The following CDH13 variants were observed in gnomAD, a reference collection of about 807,000 sequenced individuals.
The protein encoded by CDH13 is cadherin-13.
In CDH13, 24 loss-of-function variants were observed where a neutral mutation model predicts 63.8. The ratio of observed to expected loss-of-function variants is 0.38; its 90% CI spans 0.27 to 0.53. CDH13 has a LOEUF of 0.53. Ranked by LOEUF, CDH13 falls within the 20% of genes least tolerant of loss-of-function variation. CDH13 has a pLI of 0.85. For missense variants in CDH13, 1,049 were observed against 903.1 expected (o/e 1.16, Z -2.07); for synonymous variants, 503 against 355.3 (o/e 1.42, Z -4.67).
At chr16:82,910,704 T>C (rs2041803720) in intron 2 of CDH13, among the ~76,000 whole-genome samples, 1 of 152,194 alleles carries the variant, frequency 6.6e-6, no homozygotes, top group Admixed American at 6.5e-5. Flanking sequence ...GGTGGCCATG[T>C]GACATTGTTA....
chr16:83,031,402 A>G (rs12596336), intron 2 of CDH13, among the ~76,000 whole-genome samples: 30,435 of 140,828 alleles, frequency 0.22, 4,608 homozygotes, highest in East Asian at 0.29. Context: ...ATACATATAC[A>G]TGTATATGTA....
At chr16:82,968,358 T>C (rs1908173211) in intron 2 of CDH13, among the ~76,000 whole-genome samples, 1 of 152,200 alleles carries the variant, frequency 6.6e-6, no homozygotes, top group African/African-American at 2.4e-5. Context: ...CAAGAAGGCC[T>C]CAGACCTAGT....
intron 10 of CDH13, among the ~76,000 whole-genome samples, chr16:83,747,605 G>A (rs1424515585): frequency 6.6e-6 from 1 of 151,220 alleles, no homozygotes; most frequent in Non-Finnish European, 1.5e-5. Context: ...ACTCTCTGAT[G>A]ACATCCTATC....
At chr16:83,319,564 A>G (rs1030457097) in intron 5 of CDH13, among the ~76,000 whole-genome samples, 1 of 152,258 alleles carries the variant, frequency 6.6e-6, no homozygotes, top group African/African-American at 2.4e-5. Context: ...GGAGAGAAAA[A>G]TATGAAATAT....
intron 7 of CDH13, among the ~76,000 whole-genome samples, chr16:83,555,103 A>C (rs932293658): frequency 6.6e-6 from 1 of 152,144 alleles, no homozygotes; most frequent in African/African-American, 2.4e-5. Context: ...CATGTTGTAT[A>C]CAGAGAGAGC....
intron 1 of CDH13, among the ~76,000 whole-genome samples, chr16:82,800,176 G>T (rs1316025661): frequency 6.6e-6 from 1 of 152,018 alleles, no homozygotes; most frequent in Non-Finnish European, 1.5e-5. Flanking sequence ...GTGTTTACTT[G>T]GGGTTAAAAT....
At chr16:82,653,191 T>C (rs1009230420) in intron 1 of CDH13, among the ~76,000 whole-genome samples, 3 of 152,104 alleles carry the variant, frequency 2.0e-5, no homozygotes, top group Admixed American at 2.0e-4. Flanking sequence ...GACATGGTGG[T>C]GGTAGGGGGT....
intron 7 of CDH13, among the ~76,000 whole-genome samples, chr16:83,557,402 T>C (rs2075625842): frequency 6.6e-6 from 1 of 152,168 alleles, no homozygotes; most frequent in Non-Finnish European, 1.5e-5. Context: ...CTCTGGTCCG[T>C]GGAAAAATTG....
intron 6 of CDH13, among the ~76,000 whole-genome samples, chr16:83,430,103 T>C (rs184698391): frequency 1.4e-4 from 21 of 152,312 alleles, no homozygotes; most frequent in African/African-American, 4.3e-4. Context: ...TACCATGTGA[T>C]CCAGCAGTTT....
chr16:83,133,619 C>T (rs953653758), intron 4 of CDH13, among the ~76,000 whole-genome samples: 4 of 152,096 alleles, frequency 2.6e-5, no homozygotes, highest in African/African-American at 9.7e-5. Flanking sequence ...ATGCCTCAGC[C>T]TCCCTAATAG....
At chr16:82,951,841 A>G (rs1905339707) in intron 2 of CDH13, among the ~76,000 whole-genome samples, 2 of 152,198 alleles carry the variant, frequency 1.3e-5, no homozygotes, top group Non-Finnish European at 1.5e-5. Flanking sequence ...GAGGCTCAGT[A>G]TATCTTCCTA....
chr16:83,566,005 C>T (rs1278083946), intron 7 of CDH13, among the ~76,000 whole-genome samples: 1 of 152,126 alleles, frequency 6.6e-6, no homozygotes, highest in Non-Finnish European at 1.5e-5. Context: ...AAGACTGGGA[C>T]TCATTTGAGT....
Position 82,870,486 on chromosome 16 carries a change from C to A in CDH13, c.157+12013C>A, listed in dbSNP as rs539933034. 8.5e-5 allele frequency among the ~76,000 whole-genome samples: 13 copies of A among 152,132 alleles called. No individual in the cohort carries two copies. The East Asian group carries it at 1.5e-3, about 18-fold the overall frequency. On this transcript the variant is annotated intron_variant, in intron 2 of 13. Transcript: ENST00000567109. ...CTGGATATATATCTAAAAGAAAGGG[C>A]TGGAAGGGTCCTGGGGAGGGAGAAT...
At chr16:82,730,463 TACA>T (rs1437087934) in intron 1 of CDH13, among the ~76,000 whole-genome samples, 1 of 152,198 alleles carries the variant, frequency 6.6e-6, no homozygotes, top group Non-Finnish European at 1.5e-5. Flanking sequence ...GCCATACACA[TACA>T]ACATTTACCT....
At chr16:83,135,421 A>G (rs866904313) in intron 4 of CDH13, among the ~76,000 whole-genome samples, 4 of 152,184 alleles carry the variant, frequency 2.6e-5, no homozygotes, top group Non-Finnish European at 5.9e-5. Context: ...ACCCTCAGAA[A>G]TCAATATTAT....
intron 7 of CDH13, among the ~76,000 whole-genome samples, chr16:83,514,737 A>T (rs1463846859): frequency 6.6e-6 from 1 of 152,216 alleles, no homozygotes; most frequent in African/African-American, 2.4e-5. Flanking sequence ...GAGTGGGATG[A>T]TGAGTCTATA....
chr16:83,018,904 C>A (rs1306629659), intron 2 of CDH13, among the ~76,000 whole-genome samples: 1 of 152,132 alleles, frequency 6.6e-6, no homozygotes, highest in Non-Finnish European at 1.5e-5. Flanking sequence ...ATTGGCACAC[C>A]TGTATAGGGC....
At chr16:82,657,706 G>A (rs984973919) in intron 1 of CDH13, among the ~76,000 whole-genome samples, 1 of 152,128 alleles carries the variant, frequency 6.6e-6, no homozygotes, top group African/African-American at 2.4e-5. Context: ...ATTGTATTGT[G>A]TTTTAAATTC....
intron 13 of CDH13, among the ~76,000 whole-genome samples, chr16:83,791,147 C>A (rs571138014): frequency 6.6e-6 from 1 of 151,772 alleles, no homozygotes; most frequent in South Asian, 2.1e-4. Context: ...GTGAGACCCC[C>A]ATCTCTGAAA....
Sources: gnomAD v4.1 joint callset for allele counts (sites outside exome capture counted in the v4.1 genomes callset) on GRCh38, gnomAD v4.1.1 for gene constraint, MANE v1.5 for transcripts, NCBI Gene and HGNC (gene_info 2026-07-23, HGNC 2026-07-21) for gene names.